The following SBNO2 variants were observed in gnomAD, a reference collection of about 807,000 sequenced individuals.
The protein encoded by SBNO2 is strawberry notch homolog 2.
In SBNO2, 89 loss-of-function variants were observed where a neutral mutation model predicts 146.3. That is an observed-to-expected ratio of 0.61 (90% confidence interval 0.51 to 0.73). The LOEUF (loss-of-function observed/expected upper bound fraction) is 0.73. Ranked by LOEUF, SBNO2 falls within the 30% of genes least tolerant of loss-of-function variation. The probability of loss-of-function intolerance (pLI) is 0.00; values close to 1 mark genes in which losing one functional copy is unlikely to be tolerated. For synonymous variants in SBNO2, 1,147 were observed against 892.6 expected, an observed-to-expected ratio of 1.29 and a Z score of -5.08; for missense variants, 2,092 against 2,003.7, an observed-to-expected ratio of 1.04 and a Z score of -0.84.
In SBNO2 at chr19:1,127,685, C is replaced by G; in HGVS notation, c.360G>C (p.Thr120=). The change falls in exon 5 of 32, where the codon ACG becomes ACC. Residue 120 remains threonine (T), a synonymous_variant. Transcript: ENST00000361757. ...GGCTGTCAGCCGGCAGGAAGTCGGG[C>G]GTGTCCACGATGTCCGACAGGGAGT... ...SVDSLSDIVD[T]PDFLPADSLN... is the part of the protein sequence containing the mutation. 6.2e-7 allele frequency: 1 copy of G among 1,613,510 alleles called. No individual in the cohort carries two copies. The highest frequency in any genetic ancestry group is 8.5e-7 in the Non-Finnish European group (1 of 1,179,842).
chr19:1,133,884 T>A (rs1265279353), intron 4 of SBNO2, among the ~76,000 whole-genome samples: 1 of 152,184 alleles, frequency 6.6e-6, no homozygotes, highest in South Asian at 2.1e-4. Context: ...GGCAGTGGCC[T>A]GGGAACCATC....
chr19:1,169,680 C>T (rs541497049), intron 1 of SBNO2, among the ~76,000 whole-genome samples: 35 of 152,102 alleles, frequency 2.3e-4, no homozygotes, highest in Non-Finnish European at 3.7e-4. Flanking sequence ...CTGCAGGCTG[C>T]CTGACCAGTT....
Position 1,148,559 on chromosome 19 carries a change from TCACCCCAGAAAACC to T in SBNO2, c.167+796_167+809del, listed in dbSNP as rs2145301886. Among the ~76,000 whole-genome samples, 5 of 5,516 alleles carry T rather than the reference TCACCCCAGAAAACC, an allele frequency of 9.1e-4. 2 individuals are homozygous for T. Among genetic ancestry groups the T allele is most frequent in the African/African-American group, 5.1e-3 (5 of 974 alleles). 3.6% of individuals were successfully genotyped at this position (5,516 alleles called of 152,430 possible). On this transcript the variant is annotated intron_variant, in intron 3 of 31. Transcript: ENST00000361757. Reference sequence around the variant, plus strand: ...ACCTCCCGCCCCTTCCCACCCTCCTTCACCCCAGAAAACCTCCCGCCCCTTCCCACCCTCCTTCA... The same window carrying T: ...ACCTCCCGCCCCTTCCCACCCTCCTTTCCCGCCCCTTCCCACCCTCCTTCA...
intron 1 of SBNO2, among the ~76,000 whole-genome samples, chr19:1,170,942 A>G (rs1322537276): frequency 6.6e-6 from 1 of 151,974 alleles, no homozygotes; most frequent in Non-Finnish European, 1.5e-5. Context: ...ACATGAGCAC[A>G]CACACAAAAT....
chr19:1,121,677 G>A (rs2079902723), intron 11 of SBNO2, among the ~76,000 whole-genome samples: 1 of 152,158 alleles, frequency 6.6e-6, no homozygotes, highest in South Asian at 2.1e-4. Context: ...GGGATGCTGG[G>A]GAGTGAACTG....
At position 1,167,665 on chromosome 19, in the gene SBNO2, C is replaced by T. The variant is rs149766582; in HGVS notation, c.-127+6507G>A. ...ATGCCGGGACCCGAGGAATCCAGGACGACCCCTCTGCAGAGCCCCTGTGCC... is the reference window on the plus strand; with the variant it reads ...ATGCCGGGACCCGAGGAATCCAGGATGACCCCTCTGCAGAGCCCCTGTGCC... On this transcript the variant is annotated intron_variant, in intron 1 of 31. Transcript: ENST00000361757. 4.1e-4 allele frequency among the ~76,000 whole-genome samples: 63 copies of T among 152,296 alleles called. No individual in the cohort carries two copies. In the East Asian group the frequency reaches 0.01, roughly 25 times the overall value.
At chr19:1,168,157 G>T (rs188551728) in intron 1 of SBNO2, among the ~76,000 whole-genome samples, 1 of 152,128 alleles carries the variant, frequency 6.6e-6, no homozygotes, top group Non-Finnish European at 1.5e-5. Flanking sequence ...GTGTTCCAAA[G>T]TCGGCAAGCA....
chr19:1,163,833 GGCGA>G (rs1370686717), intron 1 of SBNO2, among the ~76,000 whole-genome samples: 1 of 152,190 alleles, frequency 6.6e-6, no homozygotes, highest in Non-Finnish European at 1.5e-5. Flanking sequence ...CGGGGTCCAG[GGCGA>G]GCAAGTTCTC....
intron 9 of SBNO2, 40 bp from the exon 10 acceptor site, chr19:1,122,598 TCGCCCCCCGCTTCCGC>T: frequency 3.3e-6 from 1 of 300,186 alleles, no homozygotes; most frequent in Non-Finnish European, 4.5e-6. Context: ...CCCTTCCCCC[TCGCCCCCCGCTTCCGC>T]CCCCCACCCC....
intron 8 of SBNO2, 45 bp downstream of exon 8, chr19:1,122,849 G>T (rs1031461549): frequency 1.3e-4 from 196 of 1,537,494 alleles, no homozygotes; most frequent in Non-Finnish European, 1.7e-4. Flanking sequence ...CCTCCCCAGG[G>T]GCCTCGCGGA....
intron 1 of SBNO2, among the ~76,000 whole-genome samples, chr19:1,172,266 G>A (rs944655124): frequency 6.6e-6 from 1 of 152,202 alleles, no homozygotes; most frequent in Non-Finnish European, 1.5e-5. Flanking sequence ...GAGGCCCTGA[G>A]GCCCCCATCC....
intron 3 of SBNO2, among the ~76,000 whole-genome samples, chr19:1,148,462 G>A (rs1405030181): frequency 6.9e-6 from 1 of 144,616 alleles, no homozygotes; most frequent in Non-Finnish European, 1.5e-5. Flanking sequence ...TGTGGGAAAA[G>A]TGCCCTTCCC....
chr19:1,132,291 C>G lies in SBNO2; in HGVS notation c.280-4526G>C, dbSNP rs1243842890. Reference sequence around the variant, plus strand: ...TTGCATGTCGGTTTAGTCACCGCCGCCGGCGCCTACTTCCTCTAAGGCCGG... The same window carrying G: ...TTGCATGTCGGTTTAGTCACCGCCGGCGGCGCCTACTTCCTCTAAGGCCGG... On this transcript the variant is annotated intron_variant, in intron 4 of 31. Transcript: ENST00000361757. 11 of 1,312,614 alleles carry G rather than the reference C, an allele frequency of 8.4e-6. No homozygotes were observed. The South Asian group carries it at 2.0e-4, about 24-fold the overall frequency. The allele number at this position is 1,312,614 out of a possible 1,614,324, so 81.3% of individuals were successfully genotyped here. A position where few individuals can be genotyped will look rare whatever the true frequency, so the allele number is the denominator to read the frequency against.
chr19:1,131,090 CT>C (rs2145251917), intron 4 of SBNO2, among the ~76,000 whole-genome samples: 1 of 152,276 alleles, frequency 6.6e-6, no homozygotes, highest in East Asian at 1.9e-4. Flanking sequence ...GATTTGACTC[CT>C]AGCAGCCACC....
At position 1,127,676 on chromosome 19, in the gene SBNO2, G is replaced by C. The variant is rs775694163; in HGVS notation, c.369C>G (p.Phe123Leu). ...SLSDIVDTPDFLPADSLNQVS... is the reference protein window; with the variant it reads ...SLSDIVDTPDLLPADSLNQVS... ...CCTGGTTGAGGCTGTCAGCCGGCAGGAAGTCGGGCGTGTCCACGATGTCCG... is the reference window on the plus strand; with the variant it reads ...CCTGGTTGAGGCTGTCAGCCGGCAGCAAGTCGGGCGTGTCCACGATGTCCG... Residue 123 changes from phenylalanine (F) to leucine (L), a missense_variant, in exon 5 of 32, where the codon TTC becomes TTG. Physicochemically the swap from Phe to Leu is conservative, Grantham distance 22. Coordinates refer to ENST00000361757, the MANE Select transcript of SBNO2 (RefSeq NM_014963.3). 6.2e-7 allele frequency: 1 copy of C among 1,613,580 alleles called. No individual in the cohort carries two copies.
At chr19:1,132,194 T>C (rs920627552) in intron 4 of SBNO2, 2 of 1,374,370 alleles carry the variant, frequency 1.5e-6, no homozygotes, top group South Asian at 1.6e-5. Context: ...AGCGGCTCCC[T>C]CATGACCGCG....
rs1489080773 is a variant in SBNO2 at position 1,110,591 on chromosome 19, T to G, written c.3028+154A>C. On this transcript the variant is annotated intron_variant, in intron 26 of 31. Transcript: ENST00000361757. The surrounding 1 kb of genome is among the most constrained non-coding windows in gnomAD (Gnocchi z 4.9). ...GATGCCCGGCGTTCCCACGAGCCCC[T>G]CGCCCACCCGGGATGCACGGTGTTC... 27 of 821,850 alleles carry G rather than the reference T, an allele frequency of 3.3e-5. No homozygotes were observed. The African/African-American group carries it at 4.7e-4, about 14-fold the overall frequency. The allele number at this position is 821,850 out of a possible 1,614,324, so 50.9% of individuals were successfully genotyped here.
Position 1,112,984 on chromosome 19 carries a change from T to G in SBNO2, c.2248-35A>C. On this transcript the variant is annotated intron_variant, in intron 19 of 31. Transcript: ENST00000361757. This position sits in a 1 kb window ranked among gnomAD's most constrained non-coding sequence, Gnocchi z 5.9. ...AGACAGGGACAAAACCGGCCGTCAG[T>G]GTTGTGGCCTCGCAGGAGTCTGGCC... The G allele has an allele frequency of 1.3e-6, 2 of 1,531,498 alleles. No homozygotes were observed. The highest frequency in any genetic ancestry group is 2.4e-5 in the South Asian group (2 of 83,216). 94.9% of individuals were successfully genotyped at this position (1,531,498 alleles called of 1,614,324 possible).
At chr19:1,116,766 C>T in intron 16 of SBNO2, 63 bp downstream of exon 16, 1 of 1,423,914 alleles carries the variant, frequency 7.0e-7, no homozygotes, top group South Asian at 1.3e-5. Flanking sequence ...CCACAGGTGG[C>T]CACAGAGAGG....
Sources: gnomAD v4.1 joint callset for allele counts (sites outside exome capture counted in the v4.1 genomes callset) on GRCh38, gnomAD v4.1.1 for gene constraint, Gnocchi (gnomAD v3.1) non-coding constraint, MANE v1.5 for transcripts, NCBI Gene and HGNC (gene_info 2026-07-23, HGNC 2026-07-21) for gene names.